The following NCALD variants were observed in gnomAD, a reference collection of about 807,000 sequenced individuals.
NCALD encodes neurocalcin-delta.
In NCALD, 10 loss-of-function variants were observed where a neutral mutation model predicts 18.6. That is an observed-to-expected ratio of 0.54 (90% CI 0.33 to 0.91). NCALD has a LOEUF of 0.91. Ranked by LOEUF, NCALD falls within the 40% of genes least tolerant of loss-of-function variation. The pLI is 0.03. For synonymous variants in NCALD, 88 were observed against 87.4 expected, an observed-to-expected ratio of 1.01 and a Z score of -0.04; for missense variants, 184 against 247.6, an observed-to-expected ratio of 0.74 and a Z score of 1.72.
chr8:101,982,814 C>G (rs1276446569), intron 2 of NCALD, among the ~76,000 whole-genome samples: 1 of 150,566 alleles, frequency 6.6e-6, no homozygotes, highest in East Asian at 1.9e-4. Flanking sequence ...GCACTCCAGC[C>G]TGGGCGACAG....
At chr8:101,924,894 G>A (rs1229950255) in intron 2 of NCALD, among the ~76,000 whole-genome samples, 1 of 152,220 alleles carries the variant, frequency 6.6e-6, no homozygotes, top group East Asian at 1.9e-4. Context: ...AGATTTAAGA[G>A]GATTCAGGCT....
At chr8:101,987,291 G>A (rs1379571332) in intron 2 of NCALD, among the ~76,000 whole-genome samples, 2 of 152,164 alleles carry the variant, frequency 1.3e-5, no homozygotes, top group Non-Finnish European at 2.9e-5. Context: ...TTTGATTAAT[G>A]TTTTTAAAGC....
chr8:102,034,910 C>T (rs191218501), intron 1 of NCALD, among the ~76,000 whole-genome samples: 190 of 152,230 alleles, frequency 1.2e-3, no homozygotes, highest in Non-Finnish European at 2.1e-3. Flanking sequence ...TGTTGTGTAA[C>T]AACCCTCTAG....
At chr8:101,953,144 G>A (rs1433288924) in intron 2 of NCALD, among the ~76,000 whole-genome samples, 1 of 152,132 alleles carries the variant, frequency 6.6e-6, no homozygotes, top group Admixed American at 6.5e-5. Flanking sequence ...ACATTTGGGA[G>A]AATGACAGCA....
chr8:101,775,987 T>C (rs904745189), intron 1 of NCALD, among the ~76,000 whole-genome samples: 4 of 152,150 alleles, frequency 2.6e-5, no homozygotes, highest in African/African-American at 9.7e-5. Context: ...AGTTTGATGC[T>C]GAGAAGTTGG....
At chr8:101,977,435 TTTG>T (rs146609196) in intron 2 of NCALD, among the ~76,000 whole-genome samples, 23,620 of 152,116 alleles carry the variant, frequency 0.16, 2,628 homozygotes, top group African/African-American at 0.31. Context: ...TGTGGGAATT[TTTG>T]TTGTTAAGTT....
intron 1 of NCALD, among the ~76,000 whole-genome samples, chr8:102,062,427 A>G (rs1416356650): frequency 6.6e-6 from 1 of 152,230 alleles, no homozygotes; most frequent in Non-Finnish European, 1.5e-5. Flanking sequence ...GAAGCCCCCT[A>G]AGGGCTGAGA....
At chr8:102,090,969 CTACAAACCGTG>C in intron 1 of NCALD, among the ~76,000 whole-genome samples, 1 of 152,142 alleles carries the variant, frequency 6.6e-6, no homozygotes, top group East Asian at 1.9e-4. Context: ...CATTCCTTGT[CTACAAACCGTG>C]TACAGGGTTC....
chr8:101,981,945 A>G (rs1288051362), intron 2 of NCALD, among the ~76,000 whole-genome samples: 6 of 152,206 alleles, frequency 3.9e-5, no homozygotes, highest in South Asian at 2.1e-4. Context: ...ATGGATCCCT[A>G]TGAATGGCTT....
At chr8:101,962,311 T>C (rs1457527876) in intron 2 of NCALD, among the ~76,000 whole-genome samples, 1 of 152,224 alleles carries the variant, frequency 6.6e-6, no homozygotes, top group African/African-American at 2.4e-5. Context: ...GTTACCTTGA[T>C]AGTCCAATAA....
At chr8:101,804,554 TTATATAA>T (rs1813013515) in intron 4 of NCALD, among the ~76,000 whole-genome samples, 1 of 121,510 alleles carries the variant, frequency 8.2e-6, no homozygotes, top group South Asian at 2.4e-4. Flanking sequence ...ATATAATTGA[TTATATAA>T]TATATAATTA....
intron 1 of NCALD, among the ~76,000 whole-genome samples, chr8:101,731,699 C>A (rs1327883059): frequency 6.6e-6 from 1 of 152,150 alleles, no homozygotes; most frequent in Non-Finnish European, 1.5e-5. Flanking sequence ...CAGCACCCTA[C>A]ATCTTCTATT....
chr8:102,096,009 G>T (rs1254696904), intron 1 of NCALD, among the ~76,000 whole-genome samples: 1 of 152,174 alleles, frequency 6.6e-6, no homozygotes, highest in African/African-American at 2.4e-5. Flanking sequence ...ATCTCCCCAG[G>T]CCTGGGTAAA....
rs149935298 is a variant in NCALD at position 101,703,913 on chromosome 8, C to A, written c.379-11017G>T. 1.5e-3 allele frequency among the ~76,000 whole-genome samples: 229 copies of A among 152,258 alleles called. 1 individual carries two copies. The highest frequency in any genetic ancestry group is 1.8e-3 in the Admixed American group (28 of 15,300). Reference sequence around the variant, plus strand: ...AGTCCTGGGAAGAAACTACCCAGGACTGGGAAAAAAGAACCAAGTGAAAGG... The same window carrying A: ...AGTCCTGGGAAGAAACTACCCAGGAATGGGAAAAAAGAACCAAGTGAAAGG... On this transcript the variant is annotated intron_variant, in intron 2 of 3. Coordinates refer to ENST00000220931, the MANE Select transcript of NCALD (RefSeq NM_032041.3).
rs3056946 is a variant in NCALD, at chr8:101,871,583, C to CTTTTTT, written c.-20+15552_-20+15557dup. Among the ~76,000 whole-genome samples, 1,057 of 138,836 alleles carry CTTTTTT rather than the reference C, an allele frequency of 7.6e-3. 17 individuals carry two copies. Among genetic ancestry groups the CTTTTTT allele is most frequent in the African/African-American group, 0.025 (963 of 38,620 alleles). 91.1% of individuals were successfully genotyped at this position (138,836 alleles called of 152,430 possible). A position where few individuals can be genotyped will look rare whatever the true frequency, so the allele number is the denominator to read the frequency against. On this transcript the variant is annotated intron_variant, in intron 4 of 6. Transcript: ENST00000311028. ...TTTAATCCTCTGGAATTCAGATTTT[C>CTTTTTT]TTTTTTTTTTTTTTGCCATACCAAT...
intron 4 of NCALD, among the ~76,000 whole-genome samples, chr8:101,850,606 A>G (rs1399361088): frequency 1.3e-5 from 2 of 152,216 alleles, no homozygotes; most frequent in Non-Finnish European, 2.9e-5. Flanking sequence ...AAAAGTTACT[A>G]TATCTTGAGC....
At chr8:101,994,503 C>T (rs1320385835) in intron 2 of NCALD, among the ~76,000 whole-genome samples, 1 of 152,202 alleles carries the variant, frequency 6.6e-6, no homozygotes, top group Non-Finnish European at 1.5e-5. Flanking sequence ...TAAACCCCAG[C>T]CCACAGGTCA....
At chr8:101,952,959 GTGTTTCCTTCTATCTCCC>G in intron 2 of NCALD, among the ~76,000 whole-genome samples, 1 of 151,914 alleles carries the variant, frequency 6.6e-6, no homozygotes, top group African/African-American at 2.4e-5. Flanking sequence ...CTGTTTCCCA[GTGTTTCCTTCTATCTCCC>G]TCCTTTCCTT....
At chr8:101,819,215 G>T (rs1460161109) in intron 4 of NCALD, among the ~76,000 whole-genome samples, 1 of 151,596 alleles carries the variant, frequency 6.6e-6, no homozygotes, top group East Asian at 1.9e-4. Context: ...TTTCCCACAG[G>T]CTTGTCAGCA....
Sources: gnomAD v4.1 joint callset for allele counts (sites outside exome capture counted in the v4.1 genomes callset) on GRCh38, gnomAD v4.1.1 for gene constraint, MANE v1.5 for transcripts, NCBI Gene and HGNC (gene_info 2026-07-23, HGNC 2026-07-21) for gene names.